DST: variants seen among roughly 807,000 people sequenced by gnomAD.
DST encodes dystonin, also known as bullous pemphigoid antigen.
DST carries 253 observed loss-of-function variants against 875.2 expected under a neutral mutation model. The ratio of observed to expected loss-of-function variants is 0.29; its 90% CI spans 0.26 to 0.32. DST has a LOEUF of 0.32. Among genes scored for constraint, DST ranks in the 10% least tolerant of loss-of-function variants. The pLI, the probability that DST is intolerant of heterozygous loss-of-function variation, is 1.00. For synonymous variants in DST, 3,124 were observed against 3,197.1 expected (o/e 0.98, Z 0.77); for missense variants, 8,287 against 9,111.6 (o/e 0.91, Z 3.68).
intron 36 of DST, among the ~76,000 whole-genome samples, chr6:56,621,553 T>C (rs1337739897): frequency 6.6e-6 from 1 of 152,168 alleles, no homozygotes; most frequent in East Asian, 1.9e-4. Context: ...TTGTTAAGTA[T>C]AATAGCTTTT....
At chr6:56,492,580 G>C (rs2095786540) in intron 84 of DST, 147 bp from the exon 85 acceptor site, 1 of 872,816 alleles carries the variant, frequency 1.1e-6, no homozygotes, top group South Asian at 1.7e-5. Context: ...CTTTAAAAAG[G>C]CCTGCTGTCA....
At chr6:56,951,588 A>T (rs1226533385) in intron 2 of DST, among the ~76,000 whole-genome samples, 5 of 152,218 alleles carry the variant, frequency 3.3e-5, no homozygotes, top group Non-Finnish European at 7.3e-5. Context: ...TTAAGGGAAA[A>T]TATTTCATTT....
intron 36 of DST, chr6:56,616,089 TC>T: frequency 6.2e-7 from 1 of 1,614,150 alleles, no homozygotes; most frequent in Non-Finnish European, 8.5e-7. Context: ...AGTACAGAGA[TC>T]CTTTCCCCAC....
intron 4 of DST, among the ~76,000 whole-genome samples, chr6:56,828,758 C>T (rs1213024617): frequency 6.6e-6 from 1 of 152,154 alleles, no homozygotes; most frequent in Non-Finnish European, 1.5e-5. Context: ...CTTTTCCCTA[C>T]AGGCAATGGT....
At chr6:56,553,700 T>C (rs1489434912) in intron 60 of DST, 45 bp from the exon 61 acceptor site, 1 of 1,528,534 alleles carries the variant, frequency 6.5e-7, no homozygotes, top group African/African-American at 1.4e-5. Flanking sequence ...ATCAAAATGT[T>C]AATTTAATCT....
chr6:56,484,953 A>G (rs45486696), intron 88 of DST: 54,496 of 193,742 alleles, frequency 0.28, 7,998 homozygotes, highest in Middle Eastern at 0.41. Context: ...CAGGTCACTG[A>G]ATGAATGATT....
chr6:56,830,977 C>A (rs1009541921), intron 4 of DST, among the ~76,000 whole-genome samples: 11 of 152,162 alleles, frequency 7.2e-5, no homozygotes, highest in African/African-American at 2.7e-4. Flanking sequence ...CAGTCCACCA[C>A]CTAGTCAATG....
chr6:56,904,104 T>C (rs1795309077), intron 2 of DST, among the ~76,000 whole-genome samples: 1 of 152,240 alleles, frequency 6.6e-6, no homozygotes, highest in Non-Finnish European at 1.5e-5. Context: ...ACCTAGCACG[T>C]AGTAGTACAG....
At chr6:56,920,430 A>C (rs1336567420) in intron 2 of DST, among the ~76,000 whole-genome samples, 1 of 152,222 alleles carries the variant, frequency 6.6e-6, no homozygotes, top group East Asian at 1.9e-4. Context: ...AGGCTGGGAA[A>C]TGAAGTCTCT....
intron 4 of DST, among the ~76,000 whole-genome samples, chr6:56,741,679 A>G (rs1238554026): frequency 6.6e-6 from 1 of 152,214 alleles, no homozygotes; most frequent in Non-Finnish European, 1.5e-5. Context: ...TAATTTTCCA[A>G]TTACAAGTCT....
chr6:56,787,558 T>C (rs1020412304), intron 4 of DST, among the ~76,000 whole-genome samples: 2 of 152,190 alleles, frequency 1.3e-5, no homozygotes, highest in Admixed American at 1.3e-4. Context: ...CATGGACAAA[T>C]ATGAAATTGT....
At chr6:56,567,746 T>C (rs758185909) in intron 55 of DST, among the ~76,000 whole-genome samples, 3 of 152,148 alleles carry the variant, frequency 2.0e-5, no homozygotes, top group Non-Finnish European at 2.9e-5. Flanking sequence ...TCAGACTAGA[T>C]ACCCCACAGA....
At chr6:56,796,634 G>A (rs2099740194) in intron 4 of DST, among the ~76,000 whole-genome samples, 1 of 151,958 alleles carries the variant, frequency 6.6e-6, no homozygotes, top group African/African-American at 2.4e-5. Flanking sequence ...GGGGGTGAGT[G>A]GCTACAGAAG....
At chr6:56,849,289 A>G (rs556346987) in intron 4 of DST, among the ~76,000 whole-genome samples, 1 of 151,798 alleles carries the variant, frequency 6.6e-6, no homozygotes, top group African/African-American at 2.4e-5. Context: ...GGCACACGCC[A>G]CCACGCCCAG....
At chr6:56,525,576 A>G (rs985263558) in intron 69 of DST, among the ~76,000 whole-genome samples, 27 of 152,196 alleles carry the variant, frequency 1.8e-4, no homozygotes, top group African/African-American at 6.0e-4. Flanking sequence ...GGCTCATACT[A>G]GTAAAAGCTT....
chr6:56,740,878 C>A (rs1403871527), intron 4 of DST, among the ~76,000 whole-genome samples: 1 of 151,888 alleles, frequency 6.6e-6, no homozygotes, highest in Non-Finnish European at 1.5e-5. Flanking sequence ...ACAACCAAGG[C>A]CCCTGATGCT....
intron 4 of DST, among the ~76,000 whole-genome samples, chr6:56,767,434 T>A (rs1468688700): frequency 6.6e-6 from 1 of 152,006 alleles, no homozygotes; most frequent in Non-Finnish European, 1.5e-5. Context: ...CTGACCAACA[T>A]GGCGAAATCC....
chr6:56,812,109 A>AAAAAAG (rs1554158454), intron 4 of DST, among the ~76,000 whole-genome samples: 20 of 111,824 alleles, frequency 1.8e-4, no homozygotes, highest in South Asian at 3.1e-4. Context: ...CTCAAAAAAA[A>AAAAAAG]AAAAGAAAAG....
chr6:56,800,994 G>A (rs527840378), intron 4 of DST, among the ~76,000 whole-genome samples: 11 of 148,282 alleles, frequency 7.4e-5, no homozygotes, highest in African/African-American at 2.2e-4. Flanking sequence ...CACTCCAGCC[G>A]GGGCAACAGA....
Sources: gnomAD v4.1 joint callset for allele counts (sites outside exome capture counted in the v4.1 genomes callset) on GRCh38, gnomAD v4.1.1 for gene constraint, MANE v1.5 for transcripts, NCBI Gene and HGNC (gene_info 2026-07-23, HGNC 2026-07-21) for gene names.